IQGAP1: variants seen among roughly 807,000 people sequenced by gnomAD.
IQGAP1 encodes the protein IQ motif containing GTPase activating protein 1.
A neutral mutation model predicts 215.6 loss-of-function variants in IQGAP1; 66 were observed. The observed-to-expected ratio is 0.31, with a 90% CI of 0.25 to 0.38. The LOEUF (loss-of-function observed/expected upper bound fraction) is 0.38. IQGAP1 is among the 10% of genes least tolerant of loss of function. IQGAP1 has a pLI of 1.00. For synonymous variants in IQGAP1, 772 were observed against 728.7 expected, an observed-to-expected ratio of 1.06 and a Z score of -0.96; for missense variants, 1,712 against 1,997.1, an observed-to-expected ratio of 0.86 and a Z score of 2.72.
At chr15:90,402,400 G>C (rs1052123464) in intron 2 of IQGAP1, among the ~76,000 whole-genome samples, 1 of 152,174 alleles carries the variant, frequency 6.6e-6, no homozygotes, top group Non-Finnish European at 1.5e-5. Context: ...AGGAGGAGAG[G>C]CCTGTCTAAA....
intron 11 of IQGAP1, among the ~76,000 whole-genome samples, chr15:90,452,153 A>G (rs771930247): frequency 3.3e-5 from 5 of 152,128 alleles, no homozygotes; most frequent in Non-Finnish European, 4.4e-5. Context: ...TAAAGGTAGA[A>G]CTGGAGTCAA....
At chr15:90,415,399 T>A (rs554659711) in intron 2 of IQGAP1, among the ~76,000 whole-genome samples, 1 of 152,338 alleles carries the variant, frequency 6.6e-6, no homozygotes, top group Admixed American at 6.5e-5. Flanking sequence ...TTATTTAGTT[T>A]TTTAAAAATG....
chr15:90,393,120 A>G (rs1964660156), intron 2 of IQGAP1, among the ~76,000 whole-genome samples: 1 of 151,608 alleles, frequency 6.6e-6, no homozygotes, highest in Non-Finnish European at 1.5e-5. Flanking sequence ...AAAAAAAAAA[A>G]ATACACCTAT....
intron 15 of IQGAP1, among the ~76,000 whole-genome samples, chr15:90,462,205 A>G (rs1965773758): frequency 6.6e-6 from 1 of 152,206 alleles, no homozygotes; most frequent in Non-Finnish European, 1.5e-5. Flanking sequence ...TCTGACCTCC[A>G]TGTGTGTATA....
In IQGAP1 at chr15:90,453,153, C is replaced by T; in HGVS notation, c.1348C>T (p.Leu450Phe). 1 of 1,613,098 alleles carries T rather than the reference C, an allele frequency of 6.2e-7. No homozygotes were observed. Reference protein sequence around the residue: ...SPEHNLTHPELSVAVEMLSSV... With the variant: ...SPEHNLTHPEFSVAVEMLSSV... ...ACAGCATAATCTCACCCACCCAGAG[C>T]TCTCTGTCGCAGTGGAGATGTTGTC... The change falls in exon 13 of 38, where the codon CTC (leucine) becomes TTC (phenylalanine). Residue 450 changes from leucine (L) to phenylalanine (F), a missense_variant. By Grantham distance (22) the Leu-to-Phe change is conservative (BLOSUM62 0). Around this residue, in one of 2 missense-constraint regions of IQGAP1, gnomAD observed 1,021 missense variants for 1,074.2 expected, o/e 0.95. Transcript: ENST00000268182.
intron 23 of IQGAP1, among the ~76,000 whole-genome samples, chr15:90,476,167 C>T (rs1965976959): frequency 6.6e-6 from 1 of 152,044 alleles, no homozygotes; most frequent in Admixed American, 6.6e-5. Context: ...CTCCTGGGCT[C>T]AGGTGATCCT....
At chr15:90,439,501 T>TAG in intron 6 of IQGAP1, 102 bp downstream of exon 6, 1 of 798,486 alleles carries the variant, frequency 1.3e-6, no homozygotes, top group Admixed American at 2.4e-5. Flanking sequence ...AAAAATACAC[T>TAG]GGCAGTGGAG....
chr15:90,412,129 G>A (rs1427569373), intron 2 of IQGAP1, among the ~76,000 whole-genome samples: 1 of 152,142 alleles, frequency 6.6e-6, no homozygotes, highest in African/African-American at 2.4e-5. Flanking sequence ...TAAGAATGAA[G>A]TGATTTGCTC....
chr15:90,414,714 G>A (rs923085436), intron 2 of IQGAP1, among the ~76,000 whole-genome samples: 2 of 151,860 alleles, frequency 1.3e-5, no homozygotes, highest in Non-Finnish European at 2.9e-5. Flanking sequence ...TTTCTCTGTG[G>A]GCTTATCTAC....
chr15:90,444,521 T>G (rs1194405056), intron 9 of IQGAP1, among the ~76,000 whole-genome samples: 1 of 152,118 alleles, frequency 6.6e-6, no homozygotes, highest in South Asian at 2.1e-4. Context: ...TGATCTCAAG[T>G]GATCCTGCCA....
intron 2 of IQGAP1, among the ~76,000 whole-genome samples, chr15:90,396,626 A>G (rs1019196551): frequency 2.0e-5 from 3 of 152,162 alleles, no homozygotes; most frequent in Non-Finnish European, 4.4e-5. Flanking sequence ...GACATACACT[A>G]TTTTAAGAAT....
chr15:90,458,378 G>A (rs1447161899), intron 15 of IQGAP1, among the ~76,000 whole-genome samples: 2 of 152,180 alleles, frequency 1.3e-5, no homozygotes, highest in African/African-American at 4.8e-5. Context: ...CACTTAGCAT[G>A]AGTGACAGCT....
chr15:90,462,295 G>T (rs1965775024), intron 15 of IQGAP1, among the ~76,000 whole-genome samples: 1 of 152,206 alleles, frequency 6.6e-6, no homozygotes, highest in Non-Finnish European at 1.5e-5. Flanking sequence ...CAGTTGTTAG[G>T]ACATTGAAAT....
chr15:90,390,263 C>T (rs1223877030), intron 1 of IQGAP1, among the ~76,000 whole-genome samples: 4 of 152,174 alleles, frequency 2.6e-5, no homozygotes, highest in African/African-American at 9.7e-5. Context: ...GGATTCAGGC[C>T]CTGTCACTTA....
intron 2 of IQGAP1, among the ~76,000 whole-genome samples, chr15:90,421,658 A>G (rs1965138468): frequency 6.6e-6 from 1 of 152,242 alleles, no homozygotes; most frequent in Non-Finnish European, 1.5e-5. Context: ...TACTTGGAAC[A>G]CAGTATTCAG....
Position 90,440,617 on chromosome 15 carries a change from T to C in IQGAP1, c.649+2T>C. The C allele has an allele frequency of 6.4e-7, 1 of 1,550,978 alleles. No homozygotes were observed. Among genetic ancestry groups the C allele is most frequent in the African/African-American group, 1.4e-5 (1 of 73,614 alleles). ...AACTGTCAGTGGATGAAGCCGCATG[T>C]AAGAAGAGAGAAATTTTGTGGGTTC... is the stretch of plus-strand genomic sequence containing the variant. On this transcript the variant is annotated splice_donor_variant, in intron 7 of 37. Coordinates refer to ENST00000268182, the MANE Select transcript of IQGAP1 (RefSeq NM_003870.4). LOFTEE classifies it high-confidence loss of function.
chr15:90,438,793 C>T (rs983825011), intron 5 of IQGAP1, among the ~76,000 whole-genome samples: 8 of 150,648 alleles, frequency 5.3e-5, no homozygotes, highest in Admixed American at 3.3e-4. Flanking sequence ...GGTGTGATCT[C>T]GGCTCACTGC....
chr15:90,461,117 G>C (rs1378602206), intron 15 of IQGAP1, among the ~76,000 whole-genome samples: 1 of 151,798 alleles, frequency 6.6e-6, no homozygotes, highest in East Asian at 1.9e-4. Context: ...GACCAGCCTG[G>C]CCAACATGGT....
At chr15:90,473,668 T>C (rs1201035995) in intron 19 of IQGAP1, 47 bp from the exon 20 acceptor site, 3 of 1,364,340 alleles carry the variant, frequency 2.2e-6, no homozygotes, top group South Asian at 1.2e-5. Flanking sequence ...TAACTTCCAT[T>C]GATGCTTGGG....
Sources: gnomAD v4.1 joint callset for allele counts (sites outside exome capture counted in the v4.1 genomes callset) on GRCh38, gnomAD v4.1.1 for gene constraint, gnomAD v4.1.1 regional missense constraint, MANE v1.5 for transcripts, NCBI Gene and HGNC (gene_info 2026-07-23, HGNC 2026-07-21) for gene names.